DPP10: variants seen among roughly 807,000 people sequenced by gnomAD.
DPP10 encodes the protein dipeptidyl peptidase like 10, also known as inactive dipeptidyl peptidase 10.
In DPP10, 33 loss-of-function variants were observed where a neutral mutation model predicts 120.9. The ratio of observed to expected loss-of-function variants is 0.27; its 90% CI spans 0.21 to 0.37. DPP10 has a LOEUF of 0.37. DPP10 is among the 10% of genes least tolerant of loss of function. DPP10 has a pLI of 1.00. For missense variants in DPP10, 816 were observed against 942.8 expected, an observed-to-expected ratio of 0.87 and a Z score of 1.76; for synonymous variants, 337 against 326.1, an observed-to-expected ratio of 1.03 and a Z score of -0.36.
chr2:115,114,222 A>G (rs560113191), intron 1 of DPP10, among the ~76,000 whole-genome samples: 1 of 152,158 alleles, frequency 6.6e-6, no homozygotes, highest in African/African-American at 2.4e-5. Context: ...TGTTCTTTGG[A>G]CCTCCAGAAT....
chr2:115,137,444 G>A (rs1410732153), intron 1 of DPP10, among the ~76,000 whole-genome samples: 2 of 152,164 alleles, frequency 1.3e-5, no homozygotes, highest in African/African-American at 4.8e-5. Flanking sequence ...GCAAGACTGA[G>A]GATGAACAAC....
intron 4 of DPP10, among the ~76,000 whole-genome samples, chr2:115,502,035 A>G (rs189110463): frequency 1.9e-3 from 296 of 152,240 alleles, no homozygotes; most frequent in Admixed American, 2.9e-3. Flanking sequence ...TGAAAATGTC[A>G]TAACAGAATG....
At chr2:114,815,288 C>G (rs1685532517) in intron 1 of DPP10, among the ~76,000 whole-genome samples, 1 of 152,134 alleles carries the variant, frequency 6.6e-6, no homozygotes, top group Non-Finnish European at 1.5e-5. Context: ...AATTCATTTA[C>G]TCCAAAACCA....
chr2:114,923,486 T>A (rs1020325529), intron 1 of DPP10, among the ~76,000 whole-genome samples: 11 of 135,312 alleles, frequency 8.1e-5, no homozygotes, highest in African/African-American at 3.1e-4. Context: ...TTTTTTTTTT[T>A]TTTTTTTTTT....
intron 4 of DPP10, among the ~76,000 whole-genome samples, chr2:115,522,023 G>T (rs533317449): frequency 6.6e-6 from 1 of 152,158 alleles, no homozygotes; most frequent in African/African-American, 2.4e-5. Flanking sequence ...AAGCTTGTAG[G>T]CTCCAGACAG....
At chr2:115,423,645 A>C (rs996421228) in intron 3 of DPP10, among the ~76,000 whole-genome samples, 5 of 152,170 alleles carry the variant, frequency 3.3e-5, no homozygotes, top group Non-Finnish European at 7.4e-5. Flanking sequence ...ATTTTTACTT[A>C]GACCCTGGAC....
rs549459533 is a variant in DPP10, at chr2:114,844,130, T to C, written c.60+401292T>C. 6.0e-4 allele frequency among the ~76,000 whole-genome samples: 92 copies of C among 152,220 alleles called. 1 individual carries two copies. The highest frequency in any genetic ancestry group is 2.1e-3 in the African/African-American group (89 of 41,556). Reference sequence around the variant, plus strand: ...CCTCCATTTCTTCCCTATTTTGTCCTTTCTTTACTCCTTAGAGAGTGCACA... The same window carrying C: ...CCTCCATTTCTTCCCTATTTTGTCCCTTCTTTACTCCTTAGAGAGTGCACA... On this transcript the variant is annotated intron_variant, in intron 1 of 25. Transcript: ENST00000410059.
At chr2:114,825,045 T>C (rs1686412253) in intron 1 of DPP10, among the ~76,000 whole-genome samples, 1 of 152,212 alleles carries the variant, frequency 6.6e-6, no homozygotes, top group South Asian at 2.1e-4. Context: ...GTGGAAGGTA[T>C]AAAGCTATCA....
At chr2:114,745,694 C>T (rs149259827) in intron 1 of DPP10, among the ~76,000 whole-genome samples, 57 of 152,272 alleles carry the variant, frequency 3.7e-4, no homozygotes, top group African/African-American at 1.3e-3. Context: ...TATAGAGTCA[C>T]GGACAAAGAC....
chr2:115,120,898 G>A (rs2049788541), intron 1 of DPP10, among the ~76,000 whole-genome samples: 1 of 152,034 alleles, frequency 6.6e-6, no homozygotes, highest in African/African-American at 2.4e-5. Flanking sequence ...TATAACCTTT[G>A]AATTAGACTA....
chr2:115,197,805 A>G (rs961452659), intron 1 of DPP10, among the ~76,000 whole-genome samples: 1 of 152,182 alleles, frequency 6.6e-6, no homozygotes, highest in Non-Finnish European at 1.5e-5. Flanking sequence ...GAAAATAAAT[A>G]TGCTATGACG....
intron 1 of DPP10, among the ~76,000 whole-genome samples, chr2:114,474,342 AT>A (rs1386614599): frequency 6.6e-6 from 1 of 152,240 alleles, no homozygotes; most frequent in Non-Finnish European, 1.5e-5. Flanking sequence ...GGAACGTAAA[AT>A]TGCAGTTTGC....
intron 1 of DPP10, among the ~76,000 whole-genome samples, chr2:115,148,955 T>C (rs1247233122): frequency 2.0e-5 from 3 of 152,184 alleles, no homozygotes; most frequent in African/African-American, 7.2e-5. Flanking sequence ...CAAATTGATA[T>C]GTCTTTTAGC....
At chr2:114,450,368 T>C (rs1230730310) in intron 1 of DPP10, among the ~76,000 whole-genome samples, 1 of 152,150 alleles carries the variant, frequency 6.6e-6, no homozygotes, top group Non-Finnish European at 1.5e-5. Context: ...ATTAATCTTT[T>C]GAGTTATAAT....
At chr2:115,816,404 GA>G (rs1238203233) in intron 21 of DPP10, among the ~76,000 whole-genome samples, 2 of 151,984 alleles carry the variant, frequency 1.3e-5, no homozygotes, top group Non-Finnish European at 2.9e-5. Flanking sequence ...ATTCTCCACA[GA>G]AAAAAACTAG....
intron 3 of DPP10, among the ~76,000 whole-genome samples, chr2:115,470,082 T>A (rs1232111091): frequency 6.6e-6 from 1 of 152,110 alleles, no homozygotes; most frequent in African/African-American, 2.4e-5. Context: ...AATTGGGAAT[T>A]TTCAAAATAT....
chr2:114,480,190 A>T (rs1000119434), intron 1 of DPP10, among the ~76,000 whole-genome samples: 3 of 151,252 alleles, frequency 2.0e-5, no homozygotes, highest in Non-Finnish European at 4.4e-5. Context: ...GGCAATCATT[A>T]AAAAGTCAGG....
At chr2:114,721,060 A>G (rs11680414) in intron 1 of DPP10, among the ~76,000 whole-genome samples, 26 of 152,374 alleles carry the variant, frequency 1.7e-4, no homozygotes, top group Non-Finnish European at 3.2e-4. Flanking sequence ...TACGTTACAC[A>G]GCATAACCTA....
intron 1 of DPP10, among the ~76,000 whole-genome samples, chr2:115,136,920 G>A (rs1387578803): frequency 2.0e-5 from 3 of 152,152 alleles, no homozygotes; most frequent in Non-Finnish European, 4.4e-5. Flanking sequence ...TTTTACCAAT[G>A]ATGTAGACTA....
Sources: gnomAD v4.1 joint callset for allele counts (sites outside exome capture counted in the v4.1 genomes callset) on GRCh38, gnomAD v4.1.1 for gene constraint, MANE v1.5 for transcripts, NCBI Gene and HGNC (gene_info 2026-07-23, HGNC 2026-07-21) for gene names.